RAPH1: variants seen among roughly 807,000 people sequenced by gnomAD.
RAPH1 encodes Ras association (RalGDS/AF-6) and pleckstrin homology domains 1, also known as ras-associated and pleckstrin homology domains-containing protein 1.
RAPH1 carries 18 observed loss-of-function variants against 88.1 expected under a neutral mutation model. That is an observed-to-expected ratio of 0.20 (90% CI 0.14 to 0.30). RAPH1 has a LOEUF of 0.30. Ranked by LOEUF, RAPH1 falls within the 10% of genes least tolerant of loss-of-function variation. RAPH1 has a pLI of 1.00. For synonymous variants in RAPH1, 587 were observed against 559.0 expected (o/e 1.05, Z -0.71); for missense variants, 1,448 against 1,543.2 (o/e 0.94, Z 1.03).
At chr2:203,483,743 G>A (rs1317554525) in intron 4 of RAPH1, among the ~76,000 whole-genome samples, 1 of 152,102 alleles carries the variant, frequency 6.6e-6, no homozygotes, top group African/African-American at 2.4e-5. Flanking sequence ...GAGGGCCCCA[G>A]ATAGAACAAA....
intron 13 of RAPH1, chr2:203,441,948 G>A: frequency 7.2e-7 from 1 of 1,394,494 alleles, no homozygotes; most frequent in Non-Finnish European, 9.3e-7. Context: ...AGAATGTTGA[G>A]CAGGCGTGCA....
intron 1 of RAPH1, among the ~76,000 whole-genome samples, chr2:203,496,715 A>T (rs1688534142): frequency 6.6e-6 from 1 of 152,202 alleles, no homozygotes; most frequent in South Asian, 2.1e-4. Flanking sequence ...ATCTGATAAA[A>T]TTTTATTTGT....
intron 1 of RAPH1, among the ~76,000 whole-genome samples, chr2:203,528,994 TATATATA>T (rs1690251466): frequency 1.2e-5 from 1 of 84,598 alleles, no homozygotes; most frequent in South Asian, 4.2e-4. Context: ...TATATATATA[TATATATA>T]TATATTTTTT....
In RAPH1 at chr2:203,439,498, C is replaced by T. The variant is rs757263828; in HGVS notation, c.3692G>A (p.Arg1231Lys). The T allele has an allele frequency of 3.8e-5, 61 of 1,613,908 alleles. No homozygotes were observed. Among genetic ancestry groups the T allele is most frequent in the Non-Finnish European group, 4.8e-5 (57 of 1,180,030 alleles). Residue 1231 changes from arginine to lysine, a missense_variant, in exon 14 of 14, where the codon AGA becomes AAA. Coordinates refer to ENST00000319170, the MANE Select transcript of RAPH1 (RefSeq NM_213589.3). ...TTTGGGGGGAGCAGGAGGGGGTCCT[C>T]TCCGCAACGTTGCATAGCCTGATAT... ...SHISGYATLR[R>K]GPPPAPPKRD... is the part of the protein sequence containing the mutation.
rs561419318 is a variant in RAPH1 at position 203,491,332 on chromosome 2, A to G, written c.121-13T>C. 44 of 1,539,824 alleles carry G rather than the reference A, an allele frequency of 2.9e-5. No homozygotes were observed. The East Asian group carries it at 4.7e-4, about 17-fold the overall frequency. On this transcript the variant is annotated splice_polypyrimidine_tract_variant and intron_variant, in intron 2 of 13. Transcript: ENST00000319170. ...CAGAATCCAAACTCTTTATAAAAAG[A>G]AAGTTTAATAGTCATATTAAATTCA...
Position 203,437,919 on chromosome 2 carries a change from T to G in RAPH1, c.*1518A>C, listed in dbSNP as rs918844678. On this transcript the variant is annotated 3_prime_UTR_variant, in exon 14 of 14. Coordinates refer to ENST00000319170, the MANE Select transcript of RAPH1 (RefSeq NM_213589.3). ...GATGGCCCATTTTTATTCTCTTGTT[T>G]AGGAGCTGCTCTGAGATTGTTTTAT... The G allele has an allele frequency of 3.5e-6, 1 of 288,108 alleles. No homozygotes were observed. The highest frequency in any genetic ancestry group is 2.3e-5 in the African/African-American group (1 of 44,378). 17.8% of individuals were successfully genotyped at this position (288,108 alleles called of 1,614,324 possible).
In RAPH1 at chr2:203,435,380, A is replaced by G. The variant is rs141740783; in HGVS notation, c.*4057T>C. The G allele has an allele frequency of 1.3e-5, 2 of 151,870 alleles. No homozygotes were observed. The highest frequency in any genetic ancestry group is 2.4e-5 in the African/African-American group (1 of 41,402). The allele number at this position is 151,870 out of a possible 1,614,324, so 9.4% of individuals were successfully genotyped here. On this transcript the variant is annotated 3_prime_UTR_variant, in exon 14 of 14. Transcript: ENST00000319170. The stretch of plus-strand genomic sequence containing the variant: ...ACCCCCATCTCTACCAAAAAAAAAA[A>G]AAAACCTTAAAAGATAATAAGTATC...
rs1470231203 is a variant in RAPH1 at position 203,434,109 on chromosome 2, TAATGA to T, written c.*5323_*5327del. 2 of 151,838 alleles carry T rather than the reference TAATGA, an allele frequency of 1.3e-5. No individual in the cohort carries two copies. The highest frequency in any genetic ancestry group is 2.4e-5 in the African/African-American group (1 of 41,282). 9.4% of individuals were successfully genotyped at this position (151,838 alleles called of 1,614,324 possible). On this transcript the variant is annotated 3_prime_UTR_variant, in exon 14 of 14. Transcript: ENST00000319170. ...TTGCACAATCAGGGAGCAAGGCACA[TAATGA>T]AATGAGCATACATTTATGCAGAAGA...
intron 1 of RAPH1, among the ~76,000 whole-genome samples, chr2:203,529,528 A>G (rs1350130641): frequency 6.6e-6 from 1 of 151,880 alleles, no homozygotes; most frequent in Non-Finnish European, 1.5e-5. Context: ...CGCCCGACTA[A>G]TTTTTTGTAT....
At chr2:203,479,005 G>T (rs1687601375) in intron 4 of RAPH1, among the ~76,000 whole-genome samples, 1 of 152,006 alleles carries the variant, frequency 6.6e-6, no homozygotes, top group African/African-American at 2.4e-5. Context: ...AATCTATACT[G>T]CCAATAACCC....
At chr2:203,449,145 G>A (rs1581259052) in intron 10 of RAPH1, among the ~76,000 whole-genome samples, 1 of 152,326 alleles carries the variant, frequency 6.6e-6, no homozygotes, top group East Asian at 1.9e-4. Flanking sequence ...GGTTAACAGA[G>A]TCCATAGAAT....
At chr2:203,530,104 C>A (rs920903066) in intron 1 of RAPH1, among the ~76,000 whole-genome samples, 1 of 152,068 alleles carries the variant, frequency 6.6e-6, no homozygotes, top group African/African-American at 2.4e-5. Flanking sequence ...TTTCAAAAAG[C>A]CAATTTATAA....
intron 2 of RAPH1, among the ~76,000 whole-genome samples, chr2:203,493,589 C>T (rs1243499605): frequency 6.6e-6 from 1 of 152,142 alleles, no homozygotes. Context: ...TTGGCAGTTA[C>T]AGACATAAGA....
chr2:203,478,464 T>A (rs1399861954), intron 4 of RAPH1, among the ~76,000 whole-genome samples: 2 of 152,130 alleles, frequency 1.3e-5, no homozygotes, highest in African/African-American at 4.8e-5. Flanking sequence ...AAATTATCAC[T>A]TCATAAGGAC....
intron 1 of RAPH1, among the ~76,000 whole-genome samples, chr2:203,501,624 A>G (rs1688742999): frequency 6.6e-6 from 1 of 152,092 alleles, no homozygotes; most frequent in African/African-American, 2.4e-5. Context: ...ACATAATTTT[A>G]TAACTTTTGC....
chr2:203,469,519 A>G (rs903677078), intron 4 of RAPH1, among the ~76,000 whole-genome samples: 1 of 152,208 alleles, frequency 6.6e-6, no homozygotes, highest in South Asian at 2.1e-4. Context: ...CATTACCCAT[A>G]ACTGTATATT....
chr2:203,506,806 CTATATCTATATATCTA>C (rs1306310789), intron 1 of RAPH1, among the ~76,000 whole-genome samples: 1 of 90,542 alleles, frequency 1.1e-5, no homozygotes, highest in African/African-American at 5.7e-5. Context: ...ATATATATAT[CTATATCTATATATCTA>C]TATATATATC....
Position 203,440,380 on chromosome 2 carries a change from G to C in RAPH1, c.2810C>G (p.Ala937Gly). The C allele has an allele frequency of 6.3e-7, 1 of 1,592,110 alleles. No homozygotes were observed. The stretch of plus-strand genomic sequence containing the variant: ...TGTGGGTGGAGGTGGTGGTGGTGGG[G>C]CTGGGACAGGTGATGGGGGTGGAGG... ...FPPPPPSPVP[A>G]PPPPPPPTAS... Residue 937 changes from alanine (A) to glycine (G), a missense_variant, in exon 14 of 14, where the codon GCC becomes GGC. By Grantham distance (60) the Ala-to-Gly change is moderately conservative. Around this residue, in one of 2 missense-constraint regions of RAPH1, gnomAD observed 935 missense variants for 890.1 expected, o/e 1.05. Coordinates refer to ENST00000319170, the MANE Select transcript of RAPH1 (RefSeq NM_213589.3).
rs562857899 is a variant in RAPH1 at position 203,472,143 on chromosome 2, A to AT, written c.733-10219dup. ...TCTTTAGTTCTTTTTTTTTTTTTTT[A>AT]TTTTTTTGAGACAGAGTCTCCCTCT... On this transcript the variant is annotated intron_variant, in intron 4 of 13. Transcript: ENST00000319170. 2.5e-3 allele frequency among the ~76,000 whole-genome samples: 302 copies of AT among 118,622 alleles called. 5 individuals carry two copies. The highest frequency in any genetic ancestry group is 9.1e-3 in the African/African-American group (293 of 32,202). 77.8% of individuals were successfully genotyped at this position (118,622 alleles called of 152,430 possible).
Sources: allele counts gnomAD v4.1 joint callset (sites outside exome capture counted in the v4.1 genomes callset), GRCh38; gene constraint gnomAD v4.1.1; regional missense constraint gnomAD v4.1.1; transcripts MANE v1.5; gene names NCBI Gene and HGNC (gene_info 2026-07-23, HGNC 2026-07-21).